Variants in IQGAP2 observed in about 807,000 individuals in gnomAD.
The protein encoded by IQGAP2 is IQ motif containing GTPase activating protein 2.
In IQGAP2, 173 loss-of-function variants were observed where a neutral mutation model predicts 201.3. The ratio of observed to expected loss-of-function variants is 0.86; its 90% CI spans 0.76 to 0.98. The LOEUF is 0.98. Among genes scored for constraint, IQGAP2 ranks in the 50% least tolerant of loss-of-function variants. The pLI, the probability that IQGAP2 is intolerant of heterozygous loss-of-function variation, is 0.00. For missense variants in IQGAP2, 1,687 were observed against 1,864.8 expected, an observed-to-expected ratio of 0.90 and a Z score of 1.76; for synonymous variants, 675 against 673.9, an observed-to-expected ratio of 1.00 and a Z score of -0.03.
intron 12 of IQGAP2, chr5:76,608,171 T>C (rs932327249): frequency 6.6e-6 from 1 of 152,222 alleles, no homozygotes; most frequent in African/African-American, 2.4e-5. Flanking sequence ...AAAATCTCAT[T>C]TGATTGCTGT....
intron 9 of IQGAP2, among the ~76,000 whole-genome samples, chr5:76,595,360 A>T (rs1746953288): frequency 6.8e-6 from 1 of 147,520 alleles, no homozygotes; most frequent in Admixed American, 7.0e-5. Context: ...AAATGCTAGG[A>T]TTACAGACAA....
intron 3 of IQGAP2, among the ~76,000 whole-genome samples, chr5:76,568,465 C>A (rs1349750721): frequency 9.2e-5 from 14 of 152,106 alleles, no homozygotes; most frequent in Admixed American, 7.2e-4. Context: ...GCTCAGGAAC[C>A]AAGGTTCAGA....
chr5:76,604,706 C>A (rs1026524925), intron 11 of IQGAP2, among the ~76,000 whole-genome samples: 2 of 152,156 alleles, frequency 1.3e-5, no homozygotes, highest in Non-Finnish European at 2.9e-5. Context: ...GGGACACTAA[C>A]CAGTGCAAGT....
At chr5:76,462,447 G>A (rs1405224544) in intron 2 of IQGAP2, among the ~76,000 whole-genome samples, 3 of 152,202 alleles carry the variant, frequency 2.0e-5, no homozygotes, top group Non-Finnish European at 4.4e-5. Flanking sequence ...AGGAGAAAGT[G>A]AAGATAAAGA....
chr5:76,444,175 C>T (rs1284123121), intron 1 of IQGAP2, among the ~76,000 whole-genome samples: 1 of 152,112 alleles, frequency 6.6e-6, no homozygotes. Flanking sequence ...CACTTGAGCT[C>T]AGGAGTTCAG....
In IQGAP2 at chr5:76,600,863, G is replaced by A. The variant is rs1747383287; in HGVS notation, c.1123G>A (p.Val375Ile). The A allele has an allele frequency of 2.5e-6, 4 of 1,614,136 alleles. No individual in the cohort carries two copies. The highest frequency in any genetic ancestry group is 1.1e-5 in the South Asian group (1 of 91,086). ...LLIAVEMLSA[V>I]ALLNQALESN... is the part of the protein sequence containing the mutation. ...GATTGCTGTGGAAATGTTGTCTGCT[G>A]TTGCTTTACTAAACCAGGCCTTGGA... Residue 375 changes from valine (V) to isoleucine (I), a missense_variant, in exon 11 of 36, where the codon GTT becomes ATT. Val to Ile is a conservative substitution (Grantham distance 29, BLOSUM62 3). Coordinates refer to ENST00000274364, the MANE Select transcript of IQGAP2 (RefSeq NM_006633.5).
At chr5:76,454,533 C>A (rs1190673364) in intron 1 of IQGAP2, among the ~76,000 whole-genome samples, 1 of 150,376 alleles carries the variant, frequency 6.6e-6, no homozygotes, top group Non-Finnish European at 1.5e-5. Flanking sequence ...TGAGTGAGAA[C>A]ATGCGGTGTT....
chr5:76,687,432 A>G (rs2150524734), intron 30 of IQGAP2, among the ~76,000 whole-genome samples: 1 of 152,374 alleles, frequency 6.6e-6, no homozygotes, highest in South Asian at 2.1e-4. Context: ...AAATCTTGAT[A>G]CTAACAGATA....
intron 8 of IQGAP2, among the ~76,000 whole-genome samples, 179 bp downstream of exon 8, chr5:76,590,765 A>G (rs760443894): frequency 6.6e-6 from 1 of 152,190 alleles, no homozygotes; most frequent in Non-Finnish European, 1.5e-5. Context: ...TAAGGCAATT[A>G]GATTATATCC....
intron 1 of IQGAP2, among the ~76,000 whole-genome samples, chr5:76,415,370 T>C (rs1400253874): frequency 6.6e-6 from 1 of 152,248 alleles, no homozygotes; most frequent in Non-Finnish European, 1.5e-5. Flanking sequence ...ATATTTTTTC[T>C]TCCTCAAATT....
At chr5:76,507,902 A>C (rs1000877047) in intron 2 of IQGAP2, among the ~76,000 whole-genome samples, 1 of 150,340 alleles carries the variant, frequency 6.7e-6, no homozygotes, top group Non-Finnish European at 1.5e-5. Flanking sequence ...CTAGCTACTC[A>C]GGAAGCTGAA....
intron 30 of IQGAP2, among the ~76,000 whole-genome samples, chr5:76,689,143 T>G (rs1041828688): frequency 2.6e-5 from 4 of 151,394 alleles, no homozygotes; most frequent in African/African-American, 9.7e-5. Flanking sequence ...AACATTTATT[T>G]CTTTTTCCCT....
intron 2 of IQGAP2, 70 bp downstream of exon 2, chr5:76,461,739 TTGATGACCAGAGGG>T: frequency 4.5e-6 from 5 of 1,099,444 alleles, no homozygotes; most frequent in Middle Eastern, 2.0e-4. Context: ...GGCGTGGGAT[TTGATGACCAGAGGG>T]TTCTGAAATG....
chr5:76,437,554 G>A (rs1398754468), intron 1 of IQGAP2, among the ~76,000 whole-genome samples: 4 of 152,054 alleles, frequency 2.6e-5, no homozygotes, highest in East Asian at 1.9e-4. Context: ...AGGCCCCACC[G>A]TGTGTTGTTC....
intron 2 of IQGAP2, among the ~76,000 whole-genome samples, chr5:76,523,807 G>A (rs189375188): frequency 6.6e-6 from 1 of 152,220 alleles, no homozygotes; most frequent in African/African-American, 2.4e-5. Flanking sequence ...GAGATGATTA[G>A]GAGAAAACAA....
At chr5:76,541,477 G>C (rs2150220288) in intron 2 of IQGAP2, among the ~76,000 whole-genome samples, 1 of 152,318 alleles carries the variant, frequency 6.6e-6, no homozygotes, top group East Asian at 1.9e-4. Context: ...GATCATGACT[G>C]ATGCTGCAGT....
chr5:76,409,038 C>T (rs1434599397), intron 1 of IQGAP2, among the ~76,000 whole-genome samples: 2 of 151,878 alleles, frequency 1.3e-5, no homozygotes, highest in South Asian at 4.1e-4. Context: ...AGTGATCCGC[C>T]CGGCTCAGCC....
rs750695537 is a variant in IQGAP2 at position 76,600,978 on chromosome 5, G to T, written c.1232+6G>T. On this transcript the variant is annotated splice_donor_region_variant and intron_variant, in intron 11 of 35. Coordinates refer to ENST00000274364, the MANE Select transcript of IQGAP2 (RefSeq NM_006633.5). Reference sequence around the variant, plus strand: ...GACAAGGCATATGTGGAACGGTAAGGAACATTTTCCAAACCTTCTTTCAAT... The same window carrying T: ...GACAAGGCATATGTGGAACGGTAAGTAACATTTTCCAAACCTTCTTTCAAT... 6.2e-7 allele frequency: 1 copy of T among 1,608,862 alleles called. No individual in the cohort carries two copies. The highest frequency in any genetic ancestry group is 8.5e-7 in the Non-Finnish European group (1 of 1,175,970).
chr5:76,696,415 C>T (rs559450880), intron 32 of IQGAP2, among the ~76,000 whole-genome samples: 15 of 152,236 alleles, frequency 9.9e-5, no homozygotes, highest in African/African-American at 2.9e-4. Context: ...TGAGAAACTT[C>T]CTGAGCAAAG....
Sources: allele counts gnomAD v4.1 joint callset (sites outside exome capture counted in the v4.1 genomes callset), GRCh38; gene constraint gnomAD v4.1.1; transcripts MANE v1.5; gene names NCBI Gene and HGNC (gene_info 2026-07-23, HGNC 2026-07-21).